Variants in SHISA9 observed in about 807,000 individuals in gnomAD.
The protein encoded by SHISA9 is protein shisa-9.
Under a neutral mutation model 38.0 loss-of-function variants are expected in SHISA9, and 13 were observed. That is an observed-to-expected ratio of 0.34 (90% CI 0.22 to 0.54). The LOEUF (loss-of-function observed/expected upper bound fraction) is 0.54. Ranked by LOEUF, SHISA9 falls within the 20% of genes least tolerant of loss-of-function variation. The pLI, the probability that SHISA9 is intolerant of heterozygous loss-of-function variation, is 0.91. For missense variants in SHISA9, 538 were observed against 575.8 expected (o/e 0.93, Z 0.67); for synonymous variants, 275 against 242.0 (o/e 1.14, Z -1.27).
At chr16:13,019,846 C>CTTTTT (rs1173011465) in intron 2 of SHISA9, among the ~76,000 whole-genome samples, 17 of 15,144 alleles carry the variant, frequency 1.1e-3, no homozygotes, top group Admixed American at 2.5e-3. Flanking sequence ...TTCCTTCCTT[C>CTTTTT]CCTCCCTCCC....
chr16:12,970,425 A>T (rs1482722908), intron 2 of SHISA9, among the ~76,000 whole-genome samples: 1 of 63,864 alleles, frequency 1.6e-5, no homozygotes, highest in Non-Finnish European at 3.0e-5. Context: ...ATACACATAT[A>T]TGTATATATA....
intron 2 of SHISA9, among the ~76,000 whole-genome samples, chr16:13,032,446 T>A (rs2073003218): frequency 6.6e-6 from 1 of 152,136 alleles, no homozygotes; most frequent in Non-Finnish European, 1.5e-5. Flanking sequence ...CTTTCAACAT[T>A]TTTATGTGAG....
At chr16:13,171,229 T>C (rs747787469) in intron 2 of SHISA9, among the ~76,000 whole-genome samples, 3 of 152,068 alleles carry the variant, frequency 2.0e-5, no homozygotes, top group Non-Finnish European at 4.4e-5. Flanking sequence ...ACCAAGCCAT[T>C]CATGAGGGAT....
the SHISA9 span, among the ~76,000 whole-genome samples, chr16:13,277,712 A>G: frequency 6.6e-6 from 1 of 150,752 alleles, no homozygotes; most frequent in Non-Finnish European, 1.5e-5. Flanking sequence ...TCTTGATTTG[A>G]TTCTCCACTT....
the SHISA9 span, among the ~76,000 whole-genome samples, chr16:13,279,368 G>A: frequency 6.6e-6 from 1 of 151,904 alleles, no homozygotes; most frequent in Non-Finnish European, 1.5e-5. Flanking sequence ...TTATCCTGTG[G>A]TTGATGGAGG....
chr16:13,472,222 C>T, the SHISA9 span, among the ~76,000 whole-genome samples: 2 of 152,072 alleles, frequency 1.3e-5, no homozygotes, highest in African/African-American at 4.8e-5. Context: ...GCTTTCACTA[C>T]AATTTCCTAT....
At chr16:13,210,597 G>A (rs1303515171) in intron 3 of SHISA9, among the ~76,000 whole-genome samples, 3 of 152,188 alleles carry the variant, frequency 2.0e-5, no homozygotes, top group Non-Finnish European at 4.4e-5. Flanking sequence ...AATCATGAGT[G>A]AAAACCCTAA....
chr16:13,069,810 G>A (rs2073489811), intron 2 of SHISA9, among the ~76,000 whole-genome samples: 1 of 152,234 alleles, frequency 6.6e-6, no homozygotes, highest in Admixed American at 6.5e-5. Context: ...AATGGGATCT[G>A]TACCCTTATG....
chr16:13,244,810 C>A (rs974117565), downstream of SHISA9, among the ~76,000 whole-genome samples: 3 of 152,220 alleles, frequency 2.0e-5, no homozygotes, highest in African/African-American at 2.4e-5. Flanking sequence ...ACAAACAATT[C>A]TTTGAGCTAT....
At chr16:13,053,589 A>G (rs1033199400) in intron 2 of SHISA9, among the ~76,000 whole-genome samples, 5 of 150,526 alleles carry the variant, frequency 3.3e-5, no homozygotes, top group African/African-American at 1.2e-4. Flanking sequence ...ATCACCTACC[A>G]CCTCTCTCTG....
the SHISA9 span, among the ~76,000 whole-genome samples, chr16:13,411,514 A>G: frequency 1.7e-3 from 258 of 152,378 alleles, 3 homozygotes; most frequent in African/African-American, 6.0e-3. Context: ...TCTAAAGGCT[A>G]GCAGTCCAGG....
chr16:12,970,339 A>G (rs1262139607), intron 2 of SHISA9, among the ~76,000 whole-genome samples: 1 of 87,022 alleles, frequency 1.1e-5, no homozygotes, highest in Non-Finnish European at 2.2e-5. Context: ...ATATATATAT[A>G]TATACATATA....
At chr16:13,104,770 A>T (rs939400981) in intron 2 of SHISA9, among the ~76,000 whole-genome samples, 1 of 152,168 alleles carries the variant, frequency 6.6e-6, no homozygotes, top group Admixed American at 6.5e-5. Flanking sequence ...AAACTGGAGG[A>T]TAATCGAAAT....
At chr16:12,914,403 G>A in intron 1 of SHISA9, among the ~76,000 whole-genome samples, 1 of 151,976 alleles carries the variant, frequency 6.6e-6, no homozygotes, top group East Asian at 1.9e-4. Flanking sequence ...TAGAATATAA[G>A]CTCCAGGAAG....
the SHISA9 span, among the ~76,000 whole-genome samples, chr16:13,525,181 T>A: frequency 6.6e-6 from 1 of 152,216 alleles, no homozygotes; most frequent in Admixed American, 6.5e-5. Context: ...GTGGTGCTGA[T>A]GATGCTAGCC....
the SHISA9 span, among the ~76,000 whole-genome samples, chr16:13,428,444 T>A: frequency 6.6e-6 from 1 of 152,170 alleles, no homozygotes; most frequent in Non-Finnish European, 1.5e-5. Context: ...CTCAAAAAAA[T>A]TGGGTTTTAT....
At chr16:13,022,328 T>TA (rs1161724876) in intron 2 of SHISA9, among the ~76,000 whole-genome samples, 21 of 144,208 alleles carry the variant, frequency 1.5e-4, no homozygotes, top group East Asian at 2.3e-4. Flanking sequence ...ATTTTTACAT[T>TA]AAAAAAATTT....
At chr16:13,159,642 A>C (rs533371014) in intron 2 of SHISA9, among the ~76,000 whole-genome samples, 1 of 152,346 alleles carries the variant, frequency 6.6e-6, no homozygotes, top group South Asian at 2.1e-4. Context: ...AAGATTTACT[A>C]TATTTCAGTT....
the SHISA9 span, among the ~76,000 whole-genome samples, chr16:13,288,906 C>T: frequency 6.6e-6 from 1 of 152,140 alleles, no homozygotes; most frequent in African/African-American, 2.4e-5. Flanking sequence ...CTTAAAGACC[C>T]CATCTCCAAT....
Sources: gnomAD v4.1 joint callset for allele counts (sites outside exome capture counted in the v4.1 genomes callset) on GRCh38, gnomAD v4.1.1 for gene constraint, MANE v1.5 for transcripts, NCBI Gene and HGNC (gene_info 2026-07-23, HGNC 2026-07-21) for gene names.